Variants in GLG1 observed in about 807,000 individuals in gnomAD.
GLG1 encodes golgi glycoprotein 1, also known as Golgi apparatus protein 1.
In GLG1, 38 loss-of-function variants were observed where a neutral mutation model predicts 160.5. The observed-to-expected ratio is 0.24, with a 90% confidence interval of 0.18 to 0.31. The LOEUF is 0.31. GLG1 is among the 10% of genes least tolerant of loss of function. The probability of loss-of-function intolerance (pLI) is 1.00; values close to 1 mark genes in which losing one functional copy is unlikely to be tolerated. For synonymous variants in GLG1, 644 were observed against 543.4 expected (o/e 1.19, Z -2.57); for missense variants, 1,373 against 1,505.2 (o/e 0.91, Z 1.45).
At chr16:74,576,500 A>T (rs1332553720) in intron 1 of GLG1, among the ~76,000 whole-genome samples, 1 of 152,186 alleles carries the variant, frequency 6.6e-6, no homozygotes, top group Non-Finnish European at 1.5e-5. Context: ...GCTTTGCAGA[A>T]CACATACAAT....
intron 2 of GLG1, among the ~76,000 whole-genome samples, chr16:74,529,879 C>CTCACTGCAACTCAGTGGCAT (rs1567506005): frequency 7.0e-6 from 1 of 142,582 alleles, no homozygotes; most frequent in Non-Finnish European, 1.5e-5. Context: ...GGCAGTGGCA[C>CTCACTGCAACTCAGTGGCAT]GATCTCACTG....
At chr16:74,535,986 G>T (rs1037501243) in intron 1 of GLG1, among the ~76,000 whole-genome samples, 10 of 152,052 alleles carry the variant, frequency 6.6e-5, no homozygotes, top group African/African-American at 1.4e-4. Context: ...TATACTACCC[G>T]GGGAATGGTG....
intron 2 of GLG1, among the ~76,000 whole-genome samples, chr16:74,519,550 A>G (rs932404941): frequency 9.5e-5 from 9 of 94,848 alleles, no homozygotes; most frequent in Admixed American, 5.0e-4. Flanking sequence ...ATAAATGACT[A>G]TGTTACTGGT....
At chr16:74,519,236 C>T (rs2017081235) in intron 2 of GLG1, among the ~76,000 whole-genome samples, 1 of 149,854 alleles carries the variant, frequency 6.7e-6, no homozygotes, top group Non-Finnish European at 1.5e-5. Context: ...ATCACAAGAT[C>T]AGAAAACCAA....
At chr16:74,568,102 C>A (rs925329015) in intron 1 of GLG1, among the ~76,000 whole-genome samples, 2 of 152,146 alleles carry the variant, frequency 1.3e-5, no homozygotes, top group African/African-American at 4.8e-5. Context: ...CATGGAGGAA[C>A]AGGAATAAAA....
intron 5 of GLG1, 108 bp downstream of exon 5, chr16:74,496,333 A>G: frequency 3.8e-6 from 3 of 786,424 alleles, no homozygotes; most frequent in Non-Finnish European, 6.1e-6. Context: ...CCTGGGCAAC[A>G]TAGCAAGACT....
chr16:74,597,439 A>G (rs1958331589), intron 1 of GLG1, among the ~76,000 whole-genome samples: 1 of 151,390 alleles, frequency 6.6e-6, no homozygotes, highest in Non-Finnish European at 1.5e-5. Context: ...TCAAAAAAAA[A>G]AAAAAAGAAA....
At chr16:74,591,573 A>G (rs1468399454) in intron 1 of GLG1, among the ~76,000 whole-genome samples, 1 of 152,026 alleles carries the variant, frequency 6.6e-6, no homozygotes, top group Non-Finnish European at 1.5e-5. Context: ...GCTTGCAGTG[A>G]GCCGAAATCG....
At chr16:74,585,122 G>A (rs545723807) in intron 1 of GLG1, among the ~76,000 whole-genome samples, 1 of 13,894 alleles carries the variant, frequency 7.2e-5, no homozygotes, top group African/African-American at 3.6e-4. Flanking sequence ...AAGTAAAATT[G>A]ACCAGGCACA....
chr16:74,499,475 T>C (rs560265796), intron 4 of GLG1, among the ~76,000 whole-genome samples: 130 of 152,294 alleles, frequency 8.5e-4, no homozygotes, highest in Non-Finnish European at 1.7e-3. Context: ...ATACTATACT[T>C]GTGTTATAAA....
At chr16:74,507,325 CT>C (rs905036440) in intron 3 of GLG1, among the ~76,000 whole-genome samples, 7 of 152,076 alleles carry the variant, frequency 4.6e-5, no homozygotes, top group Non-Finnish European at 7.4e-5. Flanking sequence ...TATGTACATA[CT>C]CAACTAAATT....
intron 1 of GLG1, among the ~76,000 whole-genome samples, chr16:74,579,276 G>A (rs1957881873): frequency 6.6e-6 from 1 of 152,118 alleles, no homozygotes; most frequent in African/African-American, 2.4e-5. Flanking sequence ...AGGTGTGGTG[G>A]CATGCGCCTG....
chr16:74,554,055 C>G (rs573999862), intron 1 of GLG1, among the ~76,000 whole-genome samples: 1 of 152,180 alleles, frequency 6.6e-6, no homozygotes, highest in African/African-American at 2.4e-5. Context: ...CTAAGTAAAT[C>G]TCAGTGACTG....
chr16:74,533,214 T>C (rs1269651240), intron 1 of GLG1, among the ~76,000 whole-genome samples: 1 of 151,332 alleles, frequency 6.6e-6, no homozygotes, highest in African/African-American at 2.4e-5. Context: ...CCAGCTACTC[T>C]GGAGGCAGAG....
At chr16:74,509,489 G>A (rs1025420972) in intron 2 of GLG1, among the ~76,000 whole-genome samples, 29 of 151,756 alleles carry the variant, frequency 1.9e-4, no homozygotes, top group African/African-American at 5.1e-4. Flanking sequence ...TTCATAGATC[G>A]GTTTCATGGA....
chr16:74,560,041 G>A (rs1048006208), intron 1 of GLG1, among the ~76,000 whole-genome samples: 1 of 152,090 alleles, frequency 6.6e-6, no homozygotes, highest in Non-Finnish European at 1.5e-5. Flanking sequence ...GATTGTACTA[G>A]GTATTTTATG....
chr16:74,507,268 T>C (rs1427814871), intron 3 of GLG1, among the ~76,000 whole-genome samples: 1 of 152,088 alleles, frequency 6.6e-6, no homozygotes, highest in African/African-American at 2.4e-5. Flanking sequence ...GATACACACA[T>C]TATATGGAAA....
chr16:74,583,429 G>A (rs1957980677), intron 1 of GLG1, among the ~76,000 whole-genome samples: 1 of 152,184 alleles, frequency 6.6e-6, no homozygotes, highest in Admixed American at 6.5e-5. Context: ...CCCCCAAGCT[G>A]GAGTGCAATA....
At chr16:74,595,856 GCTCACGCTTGTAAT>G (rs1279483529) in intron 1 of GLG1, among the ~76,000 whole-genome samples, 1 of 152,126 alleles carries the variant, frequency 6.6e-6, no homozygotes, top group Admixed American at 6.6e-5. Context: ...AGGTACAGTG[GCTCACGCTTGTAAT>G]CCCAGCACTT....
Sources: allele counts gnomAD v4.1 joint callset (sites outside exome capture counted in the v4.1 genomes callset), GRCh38; gene constraint gnomAD v4.1.1; transcripts MANE v1.5; gene names NCBI Gene and HGNC (gene_info 2026-07-23, HGNC 2026-07-21).